The following KIAA1958 variants were observed in gnomAD, a reference collection of about 807,000 sequenced individuals.
KIAA1958 encodes the protein uncharacterized protein KIAA1958.
A neutral mutation model predicts 47.2 loss-of-function variants in KIAA1958; 14 were observed. That is an observed-to-expected ratio of 0.30 (90% CI 0.20 to 0.46). The LOEUF (loss-of-function observed/expected upper bound fraction) is 0.46. Among genes scored for constraint, KIAA1958 ranks in the 20% least tolerant of loss-of-function variants. The probability of loss-of-function intolerance (pLI) is 1.00; values close to 1 mark genes in which losing one functional copy is unlikely to be tolerated. For synonymous variants in KIAA1958, 354 were observed against 353.3 expected (o/e 1.00, Z -0.02); for missense variants, 803 against 909.2 (o/e 0.88, Z 1.50).
At chr9:112,552,581 G>T (rs1835169298) in intron 1 of KIAA1958, among the ~76,000 whole-genome samples, 1 of 152,188 alleles carries the variant, frequency 6.6e-6, no homozygotes, top group South Asian at 2.1e-4. Flanking sequence ...GTGAAACAGT[G>T]ATGCTTAATG....
intron 2 of KIAA1958, chr9:112,581,834 A>G: frequency 4.3e-6 from 1 of 232,838 alleles, no homozygotes; most frequent in Non-Finnish European, 9.3e-6. Flanking sequence ...AACACCACCA[A>G]GGTGAGGTGA....
intron 1 of KIAA1958, among the ~76,000 whole-genome samples, chr9:112,571,766 AGGG>A (rs1835538198): frequency 6.6e-6 from 1 of 151,690 alleles, no homozygotes; most frequent in Non-Finnish European, 1.5e-5. Flanking sequence ...TGGGCAACCT[AGGG>A]ACACCCCTAG....
intron 2 of KIAA1958, among the ~76,000 whole-genome samples, chr9:112,625,620 A>T (rs1836597492): frequency 1.3e-5 from 2 of 152,120 alleles, no homozygotes; most frequent in Non-Finnish European, 2.9e-5. Context: ...AGGAAAAACA[A>T]CCCTATATTT....
Position 112,660,097 on chromosome 9 carries a change from T to C in KIAA1958, c.*28T>C, listed in dbSNP as rs1837250502. 7 of 1,594,088 alleles carry C rather than the reference T, an allele frequency of 4.4e-6. No homozygotes were observed. In the South Asian group the frequency reaches 7.8e-5, roughly 18 times the overall value. On this transcript the variant is annotated 3_prime_UTR_variant, in exon 4 of 4. Coordinates refer to ENST00000337530, the MANE Select transcript of KIAA1958 (RefSeq NM_133465.4). ...CCCCACTGGGGCCCGGCCACTGCCC[T>C]GTCACCTGCTCGGGCCAGCCAGGGT...
chr9:112,602,608 C>T (rs2676626), intron 2 of KIAA1958, among the ~76,000 whole-genome samples: 145,439 of 152,220 alleles, frequency 0.96, 69,552 homozygotes, highest in African/African-American at 0.99. Flanking sequence ...GTATTATTTG[C>T]TTTTTTCCTT....
intron 1 of KIAA1958, among the ~76,000 whole-genome samples, chr9:112,491,847 T>C (rs1456599121): frequency 6.6e-6 from 1 of 152,192 alleles, no homozygotes; most frequent in Non-Finnish European, 1.5e-5. Context: ...GGCTTCTCTT[T>C]TTATTCTTGG....
chr9:112,648,517 G>A (rs1837012662), intron 3 of KIAA1958, among the ~76,000 whole-genome samples: 1 of 152,196 alleles, frequency 6.6e-6, no homozygotes, highest in Non-Finnish European at 1.5e-5. Flanking sequence ...AGAGGGAACA[G>A]TACTTGGCAC....
intron 2 of KIAA1958, among the ~76,000 whole-genome samples, chr9:112,632,907 C>G (rs1335962746): frequency 1.2e-5 from 1 of 82,356 alleles, no homozygotes; most frequent in Non-Finnish European, 2.6e-5. Context: ...ATGGAAACAG[C>G]CTTTTTTTTT....
intron 2 of KIAA1958, among the ~76,000 whole-genome samples, chr9:112,584,756 C>T (rs971810586): frequency 6.6e-6 from 1 of 152,294 alleles, no homozygotes; most frequent in Non-Finnish European, 1.5e-5. Flanking sequence ...CTTTATTTTA[C>T]TGATGGAAAT....
At chr9:112,524,369 G>A (rs1005200653) in intron 1 of KIAA1958, among the ~76,000 whole-genome samples, 3 of 152,220 alleles carry the variant, frequency 2.0e-5, no homozygotes, top group Non-Finnish European at 4.4e-5. Flanking sequence ...GCGCTTGAAG[G>A]GGGTCTAGTT....
chr9:112,650,217 A>G (rs1334227367), intron 3 of KIAA1958, among the ~76,000 whole-genome samples: 1 of 152,144 alleles, frequency 6.6e-6, no homozygotes, highest in Admixed American at 6.5e-5. Context: ...AGCTGAGAGA[A>G]TTCATCACTA....
intron 2 of KIAA1958, chr9:112,617,784 TA>T: frequency 9.4e-7 from 1 of 1,063,488 alleles, no homozygotes; most frequent in Non-Finnish European, 1.3e-6. Context: ...CTTGTCATTA[TA>T]AAAGGAAACT....
intron 1 of KIAA1958, among the ~76,000 whole-genome samples, chr9:112,555,540 A>G (rs1835225422): frequency 6.6e-6 from 1 of 152,198 alleles, no homozygotes; most frequent in Non-Finnish European, 1.5e-5. Context: ...ATATCTCTAG[A>G]GGCTGGAAAG....
chr9:112,489,379 G>T (rs1249490701), intron 1 of KIAA1958, among the ~76,000 whole-genome samples: 1 of 152,252 alleles, frequency 6.6e-6, no homozygotes, highest in East Asian at 1.9e-4. Context: ...AATTGTTTTG[G>T]CAAAGTTGTA....
At chr9:112,494,928 T>C (rs1834026402) in intron 1 of KIAA1958, among the ~76,000 whole-genome samples, 1 of 152,196 alleles carries the variant, frequency 6.6e-6, no homozygotes, top group African/African-American at 2.4e-5. Context: ...TATGCTGTTC[T>C]TCCATAGCTT....
chr9:112,489,812 C>T (rs1833931828), intron 1 of KIAA1958, among the ~76,000 whole-genome samples: 1 of 152,150 alleles, frequency 6.6e-6, no homozygotes, highest in African/African-American at 2.4e-5. Context: ...AATCCATGGA[C>T]TTTTCTAGCA....
At chr9:112,616,019 T>C (rs890759193) in intron 2 of KIAA1958, among the ~76,000 whole-genome samples, 1 of 152,250 alleles carries the variant, frequency 6.6e-6, no homozygotes, top group African/African-American at 2.4e-5. Flanking sequence ...GTGATAGATA[T>C]TTGAACAAGT....
At chr9:112,606,911 C>G (rs1395366943) in intron 2 of KIAA1958, among the ~76,000 whole-genome samples, 1 of 152,198 alleles carries the variant, frequency 6.6e-6, no homozygotes, top group Non-Finnish European at 1.5e-5. Context: ...GCTTTGAGAA[C>G]ACAGAACAAA....
intron 2 of KIAA1958, among the ~76,000 whole-genome samples, chr9:112,623,384 G>A (rs1836544673): frequency 6.6e-6 from 1 of 152,192 alleles, no homozygotes; most frequent in African/African-American, 2.4e-5. Context: ...CAGTTAATAT[G>A]TAAGAGCATC....
Sources: allele counts gnomAD v4.1 joint callset (sites outside exome capture counted in the v4.1 genomes callset), GRCh38; gene constraint gnomAD v4.1.1; transcripts MANE v1.5; gene names NCBI Gene and HGNC (gene_info 2026-07-23, HGNC 2026-07-21).